Variants in PDLIM5 observed in about 807,000 individuals in gnomAD.
PDLIM5 encodes PDZ and LIM domain protein 5.
In PDLIM5, 34 loss-of-function variants were observed where a neutral mutation model predicts 64.2. The observed-to-expected ratio is 0.53, with a 90% CI of 0.40 to 0.71. The LOEUF (loss-of-function observed/expected upper bound fraction) is 0.71. Ranked by LOEUF, PDLIM5 falls within the 30% of genes least tolerant of loss-of-function variation. The pLI, the probability that PDLIM5 is intolerant of heterozygous loss-of-function variation, is 0.00. For missense variants in PDLIM5, 683 were observed against 733.6 expected (o/e 0.93, Z 0.80); for synonymous variants, 253 against 269.1 (o/e 0.94, Z 0.59).
At chr4:94,549,844 G>T (rs1357752370) in intron 3 of PDLIM5, 3 of 152,056 alleles carry the variant, frequency 2.0e-5, no homozygotes, top group Admixed American at 2.0e-4. Context: ...CAGGAGAATC[G>T]CTTGAACCCA....
chr4:94,634,494 A>AT (rs1347750913), intron 8 of PDLIM5, among the ~76,000 whole-genome samples: 1 of 151,856 alleles, frequency 6.6e-6, no homozygotes, highest in African/African-American at 2.4e-5. Context: ...TTGGGATATC[A>AT]TCCCCCATTC....
At chr4:94,620,372 A>G (rs1739123055) in intron 8 of PDLIM5, among the ~76,000 whole-genome samples, 1 of 152,086 alleles carries the variant, frequency 6.6e-6, no homozygotes, top group East Asian at 1.9e-4. Context: ...CATCTCTACT[A>G]AAAATATAAA....
At chr4:94,659,311 G>C (rs72880463) in intron 11 of PDLIM5, among the ~76,000 whole-genome samples, 9 of 151,926 alleles carry the variant, frequency 5.9e-5, no homozygotes, top group Non-Finnish European at 1.2e-4. Flanking sequence ...TACCTCCAAC[G>C]TATATCATAT....
chr4:94,566,323 G>T (rs965700856), intron 3 of PDLIM5, among the ~76,000 whole-genome samples: 1 of 152,108 alleles, frequency 6.6e-6, no homozygotes, highest in African/African-American at 2.4e-5. Flanking sequence ...GAAATTATTG[G>T]CATTTGGTAG....
chr4:94,496,901 G>T (rs1727451005), intron 2 of PDLIM5, among the ~76,000 whole-genome samples: 1 of 152,212 alleles, frequency 6.6e-6, no homozygotes, highest in African/African-American at 2.4e-5. Flanking sequence ...GTACATTGAA[G>T]TAGTTCCAGA....
intron 10 of PDLIM5, 71 bp from the exon 11 acceptor site, chr4:94,657,356 G>A: frequency 1.8e-6 from 2 of 1,110,228 alleles, no homozygotes; most frequent in Non-Finnish European, 2.7e-6. Flanking sequence ...TACTGGTACA[G>A]ATATTAGAAT....
At chr4:94,582,908 G>C (rs1735852061) in intron 5 of PDLIM5, 1 of 569,930 alleles carries the variant, frequency 1.8e-6, no homozygotes, top group South Asian at 2.3e-5. Flanking sequence ...TGCATCAGAG[G>C]TATGTTTAGA....
intron 2 of PDLIM5, among the ~76,000 whole-genome samples, chr4:94,497,292 G>A (rs1168606765): frequency 1.3e-5 from 2 of 152,108 alleles, no homozygotes; most frequent in Non-Finnish European, 2.9e-5. Flanking sequence ...ATATACTTAT[G>A]ATCAGTAAAA....
intron 2 of PDLIM5, among the ~76,000 whole-genome samples, chr4:94,480,742 A>G (rs1725775900): frequency 6.6e-6 from 1 of 152,206 alleles, no homozygotes. Context: ...AGAGAGAGGA[A>G]GGGAGCCTGG....
chr4:94,542,505 T>TAC (rs1185895474), intron 3 of PDLIM5, among the ~76,000 whole-genome samples: 1 of 152,162 alleles, frequency 6.6e-6, no homozygotes, highest in Non-Finnish European at 1.5e-5. Context: ...GTTTCAGTGA[T>TAC]ACATCTTACC....
At chr4:94,639,597 C>G (rs1038201240) in intron 8 of PDLIM5, among the ~76,000 whole-genome samples, 1 of 152,150 alleles carries the variant, frequency 6.6e-6, no homozygotes, top group South Asian at 2.1e-4. Flanking sequence ...ACTGGTTGCA[C>G]AGTCTCCTTA....
At position 94,665,481 on chromosome 4, in the gene PDLIM5, TAAAAAAAAAAAAA is replaced by T. The variant is rs10706955; in HGVS notation, c.*1427_*1439del. On this transcript the variant is annotated 3_prime_UTR_variant, in exon 13 of 13. Transcript: ENST00000317968. Reference sequence around the variant, plus strand: ...GGTGACAGAGCAAGACTCCGGCTCTTAAAAAAAAAAAAAAAAAAAAAAAAAGAGAGAGAGAGAA... The same window carrying T: ...GGTGACAGAGCAAGACTCCGGCTCTTAAAAAAAAAAAAGAGAGAGAGAGAA... The T allele has an allele frequency of 8.0e-5, 36 of 449,630 alleles. No homozygotes were observed. In the African/African-American group the frequency reaches 8.5e-4, roughly 11 times the overall value. The allele number at this position is 449,630 out of a possible 1,614,324, so 27.9% of individuals were successfully genotyped here.
At chr4:94,474,247 ATTGTTG>A (rs948315749) in intron 2 of PDLIM5, among the ~76,000 whole-genome samples, 1 of 151,756 alleles carries the variant, frequency 6.6e-6, no homozygotes. Flanking sequence ...CATCTTTTTT[ATTGTTG>A]TTTTTGTTTT....
At chr4:94,551,741 A>G (rs1459082600) in intron 3 of PDLIM5, among the ~76,000 whole-genome samples, 1 of 152,148 alleles carries the variant, frequency 6.6e-6, no homozygotes, top group Non-Finnish European at 1.5e-5. Context: ...AGGCAAAATA[A>G]TGATTACCTA....
intron 2 of PDLIM5, among the ~76,000 whole-genome samples, chr4:94,479,470 G>A (rs1355859168): frequency 6.6e-6 from 1 of 151,590 alleles, no homozygotes; most frequent in African/African-American, 2.4e-5. Context: ...TGGGACTACA[G>A]GCAAGTGCCA....
In PDLIM5 at chr4:94,611,107, C is replaced by T. The variant is rs769494336; in HGVS notation, c.921-6897C>T. 17 of 1,533,056 alleles carry T rather than the reference C, an allele frequency of 1.1e-5. No homozygotes were observed. The South Asian group carries it at 1.2e-4, about 11-fold the overall frequency. The allele number at this position is 1,533,056 out of a possible 1,614,324, so 95.0% of individuals were successfully genotyped here. ...GAAAGATATCACTCACTCCTGGATG[C>T]ACTTTGCATCAGCCCTGTCTCCAAG... On this transcript the variant is annotated intron_variant, in intron 7 of 12. Transcript: ENST00000317968.
chr4:94,625,256 TTG>T (rs1416092187), intron 8 of PDLIM5, among the ~76,000 whole-genome samples: 1 of 150,732 alleles, frequency 6.6e-6, no homozygotes, highest in Non-Finnish European at 1.5e-5. Context: ...CTTTCTTTAA[TTG>T]TGTGTACACA....
At chr4:94,608,011 T>A in intron 7 of PDLIM5, 1 of 1,367,986 alleles carries the variant, frequency 7.3e-7, no homozygotes, top group Non-Finnish European at 9.9e-7. Context: ...TTTTGTACTT[T>A]TCATTAATAT....
chr4:94,574,994 GT>G (rs1224485376), intron 4 of PDLIM5, among the ~76,000 whole-genome samples: 2,580 of 136,432 alleles, frequency 0.019, 44 homozygotes, highest in African/African-American at 0.043. Context: ...CTTTTTTAAA[GT>G]TTTTTTTTTT....
Sources: allele counts gnomAD v4.1 joint callset (sites outside exome capture counted in the v4.1 genomes callset), GRCh38; gene constraint gnomAD v4.1.1; transcripts MANE v1.5; gene names NCBI Gene and HGNC (gene_info 2026-07-23, HGNC 2026-07-21).